Variants in CACNA1D observed in about 807,000 individuals in gnomAD.
CACNA1D encodes voltage-dependent L-type calcium channel subunit alpha-1D.
Under a neutral mutation model 257.1 loss-of-function variants are expected in CACNA1D, and 55 were observed. The observed-to-expected ratio is 0.21, with a 90% confidence interval of 0.17 to 0.27. The LOEUF is 0.27. CACNA1D is among the 10% of genes least tolerant of loss of function. CACNA1D has a pLI of 1.00. For missense variants in CACNA1D, 1,876 were observed against 2,784.0 expected, an observed-to-expected ratio of 0.67 and a Z score of 7.34; for synonymous variants, 980 against 1,014.9, an observed-to-expected ratio of 0.97 and a Z score of 0.65.
chr3:53,615,933 T>A (rs1377931229), intron 3 of CACNA1D, among the ~76,000 whole-genome samples: 1 of 152,228 alleles, frequency 6.6e-6, no homozygotes, highest in Non-Finnish European at 1.5e-5. Context: ...TGTATTTTTG[T>A]TACAGCTGGC....
intron 40 of CACNA1D, among the ~76,000 whole-genome samples, chr3:53,787,425 CTGTG>C (rs3217446): frequency 1.0e-3 from 143 of 136,252 alleles, no homozygotes; most frequent in Non-Finnish European, 1.8e-3. Context: ...AGTATGTATT[CTGTG>C]TGTGTGTGTG....
chr3:53,690,569 G>T (rs749295287), intron 8 of CACNA1D, among the ~76,000 whole-genome samples: 1 of 152,186 alleles, frequency 6.6e-6, no homozygotes, highest in African/African-American at 2.4e-5. Flanking sequence ...CCCACCCACC[G>T]TGCCTTTCAG....
chr3:53,585,534 A>C (rs114651652), intron 3 of CACNA1D, among the ~76,000 whole-genome samples: 1 of 152,068 alleles, frequency 6.6e-6, no homozygotes, highest in Admixed American at 6.5e-5. Context: ...CATTATCAAA[A>C]CTTGTGATTC....
At chr3:53,593,019 C>T (rs1014041990) in intron 3 of CACNA1D, among the ~76,000 whole-genome samples, 3 of 152,254 alleles carry the variant, frequency 2.0e-5, no homozygotes, top group Admixed American at 1.3e-4. Context: ...CTTGCTTTTG[C>T]TCAGCCTGTA....
In CACNA1D at chr3:53,726,184, A is replaced by T. The variant is rs116081200; in HGVS notation, c.2101-695A>T. 3.5e-3 allele frequency among the ~76,000 whole-genome samples: 537 copies of T among 151,836 alleles called. 3 individuals carry two copies. The highest frequency in any genetic ancestry group is 5.7e-3 in the Non-Finnish European group (391 of 68,034). ...CCAGTTGCAGAAAACTTTGCATAGC[A>T]TGATATCCTTTATGTCTGAAAACTC... On this transcript the variant is annotated intron_variant, in intron 14 of 47. Coordinates refer to ENST00000350061, the MANE Select transcript of CACNA1D (RefSeq NM_001128840.3).
At chr3:53,798,714 T>C (rs866412534) in intron 40 of CACNA1D, among the ~76,000 whole-genome samples, 11 of 152,236 alleles carry the variant, frequency 7.2e-5, no homozygotes, top group Middle Eastern at 3.2e-3. Flanking sequence ...TAAGGGCCTC[T>C]TGGGAAGTTC....
chr3:53,784,866 C>T (rs1301017208), intron 39 of CACNA1D, among the ~76,000 whole-genome samples: 1 of 152,164 alleles, frequency 6.6e-6, no homozygotes, highest in Non-Finnish European at 1.5e-5. Flanking sequence ...TGGAGACGGC[C>T]ATCTCTGGAG....
intron 3 of CACNA1D, among the ~76,000 whole-genome samples, chr3:53,572,682 G>A (rs1180097201): frequency 1.3e-5 from 2 of 152,186 alleles, no homozygotes; most frequent in Non-Finnish European, 2.9e-5. Flanking sequence ...TTACAGGCGT[G>A]AGCCACAGTG....
Position 53,744,743 on chromosome 3 carries a change from C to T in CACNA1D, c.2922C>T (p.Ser974=), listed in dbSNP as rs145636624. ...GVSLVSFGIQ[S]SAISVVKILR... ...CGTCTTTCTGCTCCTTCCCTAGATC[C>T]AGTGCCATCTCCGTTGTGAAGATTC... The change falls in exon 23 of 48, where the codon TCC becomes TCT. Residue 974 remains serine, a synonymous_variant. Coordinates refer to ENST00000350061, the MANE Select transcript of CACNA1D (RefSeq NM_001128840.3). 6 of 1,585,186 alleles carry T rather than the reference C, an allele frequency of 3.8e-6. No individual in the cohort carries two copies. Among genetic ancestry groups the T allele is most frequent in the Non-Finnish European group, 5.2e-6 (6 of 1,153,544 alleles).
At chr3:53,592,696 G>A (rs1368293935) in intron 3 of CACNA1D, among the ~76,000 whole-genome samples, 1 of 151,526 alleles carries the variant, frequency 6.6e-6, no homozygotes, top group East Asian at 1.9e-4. Context: ...CCCAGGGCCT[G>A]ACCCTAGTTC....
chr3:53,688,659 A>G (rs1182384432), intron 8 of CACNA1D, among the ~76,000 whole-genome samples: 1 of 152,144 alleles, frequency 6.6e-6, no homozygotes, highest in Admixed American at 6.5e-5. Context: ...AGGGCCTCAC[A>G]TCCTTCCAAG....
chr3:53,740,491 C>G, intron 21 of CACNA1D, 152 bp downstream of exon 21: 1 of 692,850 alleles, frequency 1.4e-6, no homozygotes, highest in Admixed American at 2.0e-5. Flanking sequence ...AACAGGTTAC[C>G]CGGCAGTGTG....
intron 37 of CACNA1D, among the ~76,000 whole-genome samples, chr3:53,779,727 C>T (rs933762549): frequency 6.6e-5 from 10 of 152,260 alleles, no homozygotes; most frequent in African/African-American, 2.2e-4. Flanking sequence ...GGCCCACCCA[C>T]ATTGGGGAGG....
intron 4 of CACNA1D, among the ~76,000 whole-genome samples, chr3:53,651,865 A>G (rs1210542246): frequency 6.6e-6 from 1 of 152,068 alleles, no homozygotes; most frequent in Non-Finnish European, 1.5e-5. Flanking sequence ...TTTATCATGA[A>G]TCTTTTGCCT....
chr3:53,527,721 A>T (rs986769435), intron 3 of CACNA1D, among the ~76,000 whole-genome samples: 1 of 152,186 alleles, frequency 6.6e-6, no homozygotes, highest in African/African-American at 2.4e-5. Context: ...GGTAGTATTT[A>T]CAGTACTGGA....
chr3:53,715,907 A>C (rs1442797692), intron 9 of CACNA1D, among the ~76,000 whole-genome samples: 1 of 152,186 alleles, frequency 6.6e-6, no homozygotes, highest in Non-Finnish European at 1.5e-5. Flanking sequence ...AGAACATTTC[A>C]TACACTAATA....
At position 53,628,782 on chromosome 3, in the gene CACNA1D, G is replaced by A. The variant is rs149699845; in HGVS notation, c.484-21997G>A. ...CTGCAAGTCTTGACAGGAAGCAGTG[G>A]TAAAAGACTGTCAGAACCTGTTTGT... On this transcript the variant is annotated intron_variant, in intron 3 of 47. Transcript: ENST00000350061. Among the ~76,000 whole-genome samples the A allele has an allele frequency of 2.4e-3, 358 of 152,310 alleles. 1 individual carries two copies. The highest frequency in any genetic ancestry group is 8.2e-3 in the African/African-American group (339 of 41,558).
chr3:53,594,097 G>A (rs187666029), intron 3 of CACNA1D, among the ~76,000 whole-genome samples: 3 of 152,344 alleles, frequency 2.0e-5, no homozygotes, highest in Non-Finnish European at 4.4e-5. Context: ...GAGTGTGCAC[G>A]TGTGTCCGTG....
At chr3:53,578,294 G>C (rs932933548) in intron 3 of CACNA1D, among the ~76,000 whole-genome samples, 10 of 152,158 alleles carry the variant, frequency 6.6e-5, no homozygotes, top group African/African-American at 2.4e-4. Flanking sequence ...CCAGGCCTGA[G>C]GAGGGGTGTG....
Sources: allele counts gnomAD v4.1 joint callset (sites outside exome capture counted in the v4.1 genomes callset), GRCh38; gene constraint gnomAD v4.1.1; transcripts MANE v1.5; gene names NCBI Gene and HGNC (gene_info 2026-07-23, HGNC 2026-07-21).